OSBPL10: variants seen among roughly 807,000 people sequenced by gnomAD.
OSBPL10 encodes oxysterol binding protein like 10.
A neutral mutation model predicts 81.7 loss-of-function variants in OSBPL10; 49 were observed. That is an observed-to-expected ratio of 0.60 (90% CI 0.48 to 0.76). The LOEUF is 0.76. OSBPL10 is among the 30% of genes least tolerant of loss of function. OSBPL10 has a pLI of 0.00. For missense variants in OSBPL10, 923 were observed against 987.8 expected (o/e 0.93, Z 0.88); for synonymous variants, 419 against 383.6 (o/e 1.09, Z -1.08).
intron 4 of OSBPL10, among the ~76,000 whole-genome samples, chr3:31,812,441 C>G (rs1392013853): frequency 6.6e-6 from 1 of 152,130 alleles, no homozygotes; most frequent in Non-Finnish European, 1.5e-5. Flanking sequence ...TTATCTCCAT[C>G]AATATATTCA....
At chr3:31,777,302 C>T (rs1698572369) in intron 4 of OSBPL10, among the ~76,000 whole-genome samples, 1 of 152,128 alleles carries the variant, frequency 6.6e-6, no homozygotes, top group Non-Finnish European at 1.5e-5. Context: ...ACATAATACA[C>T]TTTTCAAGGC....
At chr3:31,943,719 GCA>G (rs984738584) in intron 1 of OSBPL10, among the ~76,000 whole-genome samples, 1 of 152,060 alleles carries the variant, frequency 6.6e-6, no homozygotes, top group Admixed American at 6.6e-5. Flanking sequence ...TGTAATCCCA[GCA>G]CTTTGGGAGG....
intron 1 of OSBPL10, among the ~76,000 whole-genome samples, chr3:31,905,649 C>G (rs1696388106): frequency 2.0e-5 from 3 of 151,968 alleles, no homozygotes; most frequent in African/African-American, 7.3e-5. Flanking sequence ...TGTGCCCAGC[C>G]AGAACCTAGT....
intron 1 of OSBPL10, among the ~76,000 whole-genome samples, chr3:32,047,216 A>G (rs1055172137): frequency 3.9e-5 from 6 of 152,102 alleles, no homozygotes; most frequent in African/African-American, 1.4e-4. Flanking sequence ...AGCTCAAGCT[A>G]TCCACTCTCC....
intron 1 of OSBPL10, among the ~76,000 whole-genome samples, chr3:32,053,053 C>T (rs1300260750): frequency 6.6e-6 from 1 of 152,172 alleles, no homozygotes; most frequent in Admixed American, 6.5e-5. Flanking sequence ...ACCTATGCCC[C>T]CTGGCTATGC....
At chr3:32,068,629 G>GA (rs1248695609) in intron 1 of OSBPL10, among the ~76,000 whole-genome samples, 1 of 152,140 alleles carries the variant, frequency 6.6e-6, no homozygotes, top group Admixed American at 6.5e-5. Flanking sequence ...TAAATGGCCA[G>GA]AAAACGGCAC....
At chr3:32,020,720 A>C (rs1699356770) in intron 2 of OSBPL10, among the ~76,000 whole-genome samples, 1 of 152,104 alleles carries the variant, frequency 6.6e-6, no homozygotes, top group Non-Finnish European at 1.5e-5. Flanking sequence ...CAGGAGAAAA[A>C]AAAAAAAGAA....
At chr3:31,950,432 G>C (rs1387482928) in intron 1 of OSBPL10, among the ~76,000 whole-genome samples, 2 of 152,152 alleles carry the variant, frequency 1.3e-5, no homozygotes, top group Admixed American at 6.5e-5. Flanking sequence ...CTACTGGCTT[G>C]GCAAAATTAA....
At chr3:31,884,354 T>C (rs1293274204) in intron 1 of OSBPL10, among the ~76,000 whole-genome samples, 1 of 152,240 alleles carries the variant, frequency 6.6e-6, no homozygotes, top group Admixed American at 6.5e-5. Flanking sequence ...ACTCCTCTTC[T>C]AAAGACAGTT....
intron 3 of OSBPL10, among the ~76,000 whole-genome samples, chr3:31,837,265 C>T (rs1005658554): frequency 5.4e-5 from 7 of 130,246 alleles, no homozygotes; most frequent in Admixed American, 2.5e-4. Flanking sequence ...ACACACAACA[C>T]ACCTCTGAAA....
Position 32,064,503 on chromosome 3 carries a change from C to T in OSBPL10, n.185+12893G>A, listed in dbSNP as rs1251106320. 6.5e-5 allele frequency: 6 copies of T among 92,552 alleles called. 3 individuals are homozygous for T. Among genetic ancestry groups the T allele is most frequent in the Non-Finnish European group, 1.7e-4 (6 of 34,716 alleles). 5.7% of individuals were successfully genotyped at this position (92,552 alleles called of 1,614,324 possible). On this transcript the variant is annotated intron_variant and non_coding_transcript_variant, in intron 1 of 3. Transcript: ENST00000479173. ...ATTCAAGCACAAATGTTGAGGACTG[C>T]AGCTAGGGACATGCTTCCAAATTGC...
At chr3:31,761,827 A>AAAAAAAAAAAAAAAACAAAAC (rs996116489) in intron 4 of OSBPL10, among the ~76,000 whole-genome samples, 1 of 149,434 alleles carries the variant, frequency 6.7e-6, no homozygotes, top group African/African-American at 2.6e-5. Context: ...AAAAAAAAAA[A>AAAAAAAAAAAAAAAACAAAAC]AAAACCCTAA....
intron 1 of OSBPL10, among the ~76,000 whole-genome samples, chr3:32,050,509 T>C (rs915936523): frequency 1.3e-5 from 2 of 152,192 alleles, no homozygotes; most frequent in African/African-American, 4.8e-5. Context: ...TCTAACCACA[T>C]CTTTGAAAAT....
At chr3:31,816,411 A>T (rs761969278) in intron 4 of OSBPL10, among the ~76,000 whole-genome samples, 1 of 152,190 alleles carries the variant, frequency 6.6e-6, no homozygotes, top group Non-Finnish European at 1.5e-5. Context: ...GGTGATAGTC[A>T]GGCTCCCTTC....
chr3:31,798,331 G>A (rs1020213290), intron 4 of OSBPL10, among the ~76,000 whole-genome samples: 4 of 151,886 alleles, frequency 2.6e-5, no homozygotes, highest in East Asian at 3.9e-4. Context: ...TCAGGAAGCC[G>A]AGGCAGGAGA....
intron 1 of OSBPL10, among the ~76,000 whole-genome samples, chr3:31,913,180 G>A (rs1018571009): frequency 6.6e-6 from 1 of 151,884 alleles, no homozygotes; most frequent in Non-Finnish European, 1.5e-5. Context: ...GACCCTGTAG[G>A]CTTTTGTAAA....
intron 7 of OSBPL10, among the ~76,000 whole-genome samples, chr3:31,699,443 C>G (rs1695827568): frequency 6.6e-6 from 1 of 152,212 alleles, no homozygotes; most frequent in African/African-American, 2.4e-5. Context: ...TGTGGAAATA[C>G]AGTGGGTTAT....
At position 32,016,175 on chromosome 3, in the gene OSBPL10, A is replaced by G. The variant is rs545027141; in HGVS notation, n.298+30316T>C. Among the ~76,000 whole-genome samples the G allele has an allele frequency of 1.5e-3, 224 of 152,200 alleles. 2 individuals carry two copies. Among genetic ancestry groups the G allele is most frequent in the Non-Finnish European group, 2.1e-3 (145 of 68,046 alleles). ...TGTTTATTGCAGCACTATTCACAAC[A>G]GCAAAGATTTGGAACCAAGCCAAAT... On this transcript the variant is annotated intron_variant and non_coding_transcript_variant, in intron 2 of 3. Coordinates refer to the OSBPL10 transcript ENST00000479173.
intron 3 of OSBPL10, among the ~76,000 whole-genome samples, chr3:31,845,845 G>A (rs1157768658): frequency 6.6e-6 from 1 of 152,146 alleles, no homozygotes; most frequent in African/African-American, 2.4e-5. Context: ...TCCATGAATG[G>A]ATTGCTACCA....
Sources: gnomAD v4.1 joint callset for allele counts (sites outside exome capture counted in the v4.1 genomes callset) on GRCh38, gnomAD v4.1.1 for gene constraint, MANE v1.5 for transcripts, NCBI Gene and HGNC (gene_info 2026-07-23, HGNC 2026-07-21) for gene names.